The following CTTN variants were observed in gnomAD, a reference collection of about 807,000 sequenced individuals.
The protein encoded by CTTN is src substrate cortactin.
CTTN carries 28 observed loss-of-function variants against 84.0 expected under a neutral mutation model. The ratio of observed to expected loss-of-function variants is 0.33; its 90% CI spans 0.25 to 0.46. The LOEUF (loss-of-function observed/expected upper bound fraction) is 0.46, where lower values mean the gene tolerates loss of function less well. Ranked by LOEUF, CTTN falls within the 20% of genes least tolerant of loss-of-function variation. The pLI, the probability that CTTN is intolerant of heterozygous loss-of-function variation, is 1.00. For synonymous variants in CTTN, 301 were observed against 288.8 expected, an observed-to-expected ratio of 1.04 and a Z score of -0.43; for missense variants, 641 against 723.8, an observed-to-expected ratio of 0.89 and a Z score of 1.31.
At chr11:70,433,480 TC>T in intron 16 of CTTN, 166 bp from the exon 17 acceptor site, 1 of 751,404 alleles carries the variant, frequency 1.3e-6, no homozygotes, top group Non-Finnish European at 2.3e-6. Context: ...CCCAGGAAGA[TC>T]CCCATTGTGC....
At chr11:70,399,106 G>C (rs2057944977) in intron 1 of CTTN, among the ~76,000 whole-genome samples, 1 of 146,562 alleles carries the variant, frequency 6.8e-6, no homozygotes, top group Non-Finnish European at 1.5e-5. Flanking sequence ...AGCGGAGGGG[G>C]CCGGGGTTCG....
intron 13 of CTTN, 34 bp downstream of exon 13, chr11:70,425,435 G>A: frequency 6.4e-7 from 1 of 1,552,494 alleles, no homozygotes; most frequent in Non-Finnish European, 8.9e-7. Flanking sequence ...GCACCGTGTG[G>A]TTTCCCAGGA....
chr11:70,435,485 T>G lies in CTTN; in HGVS notation c.*323T>G. The G allele has an allele frequency of 6.4e-7, 1 of 1,553,212 alleles. No individual in the cohort carries two copies. Among genetic ancestry groups the G allele is most frequent in the Non-Finnish European group, 8.6e-7 (1 of 1,156,414 alleles). Reference sequence around the variant, plus strand: ...CGGCAGCTTCAGGGAGCTCGCATTCTCTTGTGTTCGTGTTGCCCTCGTGCC... The same window carrying G: ...CGGCAGCTTCAGGGAGCTCGCATTCGCTTGTGTTCGTGTTGCCCTCGTGCC... On this transcript the variant is annotated 3_prime_UTR_variant, in exon 18 of 18. Transcript: ENST00000301843.
intron 5 of CTTN, among the ~76,000 whole-genome samples, chr11:70,413,328 C>T (rs780050196): frequency 1.3e-5 from 2 of 152,154 alleles, no homozygotes; most frequent in Non-Finnish European, 1.5e-5. Flanking sequence ...GCCATGTGCC[C>T]GCACTGTCTG....
chr11:70,431,563 C>T (rs973057741), intron 15 of CTTN, among the ~76,000 whole-genome samples: 1 of 152,154 alleles, frequency 6.6e-6, no homozygotes, highest in Non-Finnish European at 1.5e-5. Context: ...GCTGTAGTCA[C>T]CTGCTATCAG....
Position 70,431,260 on chromosome 11 carries a change from C to T in CTTN, c.1246C>T (p.Pro416Ser), listed in dbSNP as rs774895600. 6.2e-7 allele frequency: 1 copy of T among 1,614,154 alleles called. No homozygotes were observed. The highest frequency in any genetic ancestry group is 8.5e-7 in the Non-Finnish European group (1 of 1,180,014). The part of the protein sequence containing the change: ...PAPQPTEERL[P>S]SSPVYEDAAS... ...ACCTCAGCCAACCGAGGAGAGGCTG[C>T]CCTCGAGCCCCGTCTATGAGGTTGG... Residue 416 changes from proline (P) to serine (S), a missense_variant, in exon 15 of 18, where the codon CCC (proline) becomes TCC (serine). Physicochemically the swap from Pro to Ser is moderately conservative, Grantham distance 74. Around this residue, in one of 3 missense-constraint regions of CTTN, gnomAD observed 289 missense variants for 273.1 expected, o/e 1.06. Coordinates refer to ENST00000301843, the MANE Select transcript of CTTN (RefSeq NM_005231.4).
intron 12 of CTTN, among the ~76,000 whole-genome samples, chr11:70,424,651 T>G (rs534176379): frequency 6.6e-6 from 1 of 151,370 alleles, no homozygotes; most frequent in East Asian, 2.0e-4. Context: ...GGACATGGAG[T>G]AGACGCTGGA....
rs1444798986 is a variant in CTTN, at chr11:70,414,623, T to C, written c.373T>C (p.Phe125Leu). The C allele has an allele frequency of 6.2e-7, 1 of 1,613,938 alleles. No individual in the cohort carries two copies. Among genetic ancestry groups the C allele is most frequent in the Non-Finnish European group, 8.5e-7 (1 of 1,179,906 alleles). ...VDSVRGFGGK[F>L]GVQMDRVDQS... ...CTCGGTCCGTGGCTTCGGAGGCAAG[T>C]TTGGTGTCCAGATGGACAGAGTTGA... The change falls in exon 6 of 18, where the codon TTT becomes CTT. Residue 125 changes from phenylalanine (F) to leucine (L), a missense_variant. This residue lies in a region of CTTN where 284 missense variants were observed against 348.4 expected (regional missense o/e 0.82). Coordinates refer to ENST00000301843, the MANE Select transcript of CTTN (RefSeq NM_005231.4).
intron 11 of CTTN, chr11:70,422,704 C>A: frequency 6.9e-7 from 1 of 1,443,750 alleles, no homozygotes; most frequent in South Asian, 1.2e-5. Flanking sequence ...TCCTGCCCCT[C>A]AGGGAATGCT....
intron 10 of CTTN, 38 bp from the exon 11 acceptor site, chr11:70,421,432 T>G: frequency 2.1e-6 from 3 of 1,404,856 alleles, no homozygotes; most frequent in African/African-American, 1.4e-5. Flanking sequence ...TGTTTCCTCT[T>G]TTGGTTGTTT....
intron 12 of CTTN, 67 bp downstream of exon 12, chr11:70,423,062 C>T (rs372400767): frequency 5.4e-5 from 86 of 1,590,860 alleles, no homozygotes; most frequent in Non-Finnish European, 6.9e-5. Flanking sequence ...CGTGGCTCAC[C>T]GTGCTGGCCA....
At chr11:70,432,441 GCTTT>G (rs2058363581) in intron 15 of CTTN, among the ~76,000 whole-genome samples, 1 of 152,244 alleles carries the variant, frequency 6.6e-6, no homozygotes, top group African/African-American at 2.4e-5. Flanking sequence ...TGTCGGCATT[GCTTT>G]CTTTCAGTCA....
At chr11:70,424,877 G>A (rs563860131) in intron 12 of CTTN, among the ~76,000 whole-genome samples, 8 of 152,250 alleles carry the variant, frequency 5.3e-5, no homozygotes, top group East Asian at 1.9e-4. Context: ...GAGTCAGCAC[G>A]TAAGAGTCAT....
rs1327787785 is a variant in CTTN at position 70,433,096 on chromosome 11, C to T, written c.1267-5C>T. 12 of 1,612,684 alleles carry T rather than the reference C, an allele frequency of 7.4e-6. No individual in the cohort carries two copies. Among genetic ancestry groups the T allele is most frequent in the Non-Finnish European group, 1.0e-5 (12 of 1,179,548 alleles). On this transcript the variant is annotated splice_region_variant and splice_polypyrimidine_tract_variant and intron_variant, in intron 15 of 17. Transcript: ENST00000301843. ...CCGTGCCATGTGCGTGTGACCCTTC[C>T]CCAGGATGCGGCTTCCTTCAAGGCA...
chr11:70,417,054 G>A lies in CTTN; in HGVS notation c.499G>A (p.Asp167Asn), dbSNP rs751344033. 3.1e-6 allele frequency: 5 copies of A among 1,614,218 alleles called. No individual in the cohort carries two copies. The highest frequency in any genetic ancestry group is 1.7e-5 in the Admixed American group (1 of 60,022). The part of the protein sequence containing the change: ...GFGGKYGVQA[D>N]RVDKSAVGFD... ...TGGCGGCAAGTATGGCGTGCAGGCC[G>A]ACCGAGTAGACAAGAGCGCGGTGGG... Residue 167 changes from aspartate (D) to asparagine (N), a missense_variant, in exon 8 of 18, where the codon GAC becomes AAC. Transcript: ENST00000301843.
Position 70,420,410 on chromosome 11 carries a change from A to G in CTTN, c.690A>G (p.Lys230=). The G allele has an allele frequency of 6.2e-7, 1 of 1,613,748 alleles. No homozygotes were observed. The highest frequency in any genetic ancestry group is 1.3e-5 in the African/African-American group (1 of 75,040). ...TCATTGTGCATGTAGACTATGTGAA[A>G]GGGTTTGGAGGAAAATTTGGTGTGC... The part of the protein sequence containing the change: ...EKHESQKDYV[K]GFGGKFGVQT... The change falls in exon 10 of 18, where the codon AAA becomes AAG. Residue 230 remains lysine, a synonymous_variant. Transcript: ENST00000301843.
chr11:70,431,370 G>A (rs2058352538), intron 15 of CTTN, 90 bp downstream of exon 15: 1 of 1,378,346 alleles, frequency 7.3e-7, no homozygotes, highest in African/African-American at 1.4e-5. Flanking sequence ...CTTGCAGGCA[G>A]GCAGTGTGGC....
At chr11:70,423,561 G>A (rs1309946232) in intron 12 of CTTN, among the ~76,000 whole-genome samples, 1 of 152,222 alleles carries the variant, frequency 6.6e-6, no homozygotes, top group African/African-American at 2.4e-5. Flanking sequence ...GCAGGTGTTC[G>A]GGCTGGGCTC....
intron 2 of CTTN, 144 bp from the exon 3 acceptor site, chr11:70,407,154 T>C: frequency 3.1e-6 from 2 of 639,464 alleles, no homozygotes; most frequent in South Asian, 3.9e-5. Flanking sequence ...GTCAGGCTTA[T>C]GGATCATGAA....
Sources: gnomAD v4.1 joint callset for allele counts (sites outside exome capture counted in the v4.1 genomes callset) on GRCh38, gnomAD v4.1.1 for gene constraint, gnomAD v4.1.1 regional missense constraint, MANE v1.5 for transcripts, NCBI Gene and HGNC (gene_info 2026-07-23, HGNC 2026-07-21) for gene names.